The following FBXL17 variants were observed in gnomAD, a reference collection of about 807,000 sequenced individuals.
FBXL17 encodes F-box/LRR-repeat protein 17.
In FBXL17, 22 loss-of-function variants were observed where a neutral mutation model predicts 66.2. The ratio of observed to expected loss-of-function variants is 0.33; its 90% confidence interval spans 0.24 to 0.47. The LOEUF (loss-of-function observed/expected upper bound fraction) is 0.47, where lower values mean the gene tolerates loss of function less well. FBXL17 is among the 20% of genes least tolerant of loss of function. FBXL17 has a pLI of 1.00. For missense variants in FBXL17, 878 were observed against 948.2 expected, an observed-to-expected ratio of 0.93 and a Z score of 0.97; for synonymous variants, 474 against 400.5, an observed-to-expected ratio of 1.18 and a Z score of -2.19.
At chr5:107,928,453 A>C (rs1176848210) in intron 7 of FBXL17, among the ~76,000 whole-genome samples, 5 of 151,418 alleles carry the variant, frequency 3.3e-5, no homozygotes, top group Non-Finnish European at 7.4e-5. Flanking sequence ...GATGACCCCC[A>C]CCCCAAATAC....
chr5:108,188,933 C>T (rs1243408051), intron 5 of FBXL17, among the ~76,000 whole-genome samples: 1 of 152,150 alleles, frequency 6.6e-6, no homozygotes, highest in Non-Finnish European at 1.5e-5. Context: ...TCTGACCTCA[C>T]TAGAATTCAC....
chr5:108,006,697 AAAG>A (rs1484368075), intron 7 of FBXL17, among the ~76,000 whole-genome samples: 2 of 152,212 alleles, frequency 1.3e-5, no homozygotes, highest in Admixed American at 1.3e-4. Flanking sequence ...AGGTATGAAT[AAAG>A]AAGAAAAAGT....
intron 4 of FBXL17, among the ~76,000 whole-genome samples, chr5:108,251,298 G>C (rs1756339862): frequency 6.6e-6 from 1 of 151,896 alleles, no homozygotes; most frequent in East Asian, 1.9e-4. Flanking sequence ...ACCTCAATGA[G>C]GTTTTTGCTT....
chr5:108,096,626 A>C (rs1273155368), intron 6 of FBXL17, among the ~76,000 whole-genome samples: 1 of 152,210 alleles, frequency 6.6e-6, no homozygotes, highest in African/African-American at 2.4e-5. Flanking sequence ...AAGAACAAGA[A>C]TTTGGCATTA....
chr5:108,136,265 G>T (rs902908287), intron 6 of FBXL17, among the ~76,000 whole-genome samples: 1 of 151,996 alleles, frequency 6.6e-6, no homozygotes, highest in Admixed American at 6.6e-5. Context: ...AATGTTCCTT[G>T]AATCACTCAT....
In FBXL17 at chr5:108,380,964, G is replaced by C; in HGVS notation, c.728C>G (p.Pro243Arg). The C allele has an allele frequency of 8.2e-7, 1 of 1,221,190 alleles. No homozygotes were observed. Among genetic ancestry groups the C allele is most frequent in the Non-Finnish European group, 1.0e-6 (1 of 980,482 alleles). 75.6% of individuals were successfully genotyped at this position (1,221,190 alleles called of 1,614,324 possible). The change falls in exon 1 of 9, where the codon CCC becomes CGC. Residue 243 changes from proline to arginine, a missense_variant. Coordinates refer to ENST00000542267, the MANE Select transcript of FBXL17 (RefSeq NM_001163315.3). ...AGGGASPPRP[P>R]DAGCCQAPEQ... ...CGGGGCCTGGCAGCAGCCGGCGTCG[G>C]GGGGCCGGGGCGGCGAAGCGCCTCC...
chr5:108,050,373 C>A (rs10058029), intron 6 of FBXL17, among the ~76,000 whole-genome samples: 2 of 151,924 alleles, frequency 1.3e-5, no homozygotes, highest in Non-Finnish European at 1.5e-5. Flanking sequence ...CCTCTCAGAC[C>A]ACAGTGCAAT....
At chr5:108,239,491 GCCTATGGAGGAAGCATTTATA>G (rs1755757499) in intron 4 of FBXL17, among the ~76,000 whole-genome samples, 2 of 152,170 alleles carry the variant, frequency 1.3e-5, no homozygotes, top group Admixed American at 6.5e-5. Flanking sequence ...CTACGCTGGC[GCCTATGGAGGAAGCATTTATA>G]CCTGCCCTAG....
chr5:108,089,864 G>C (rs140428620), intron 6 of FBXL17, among the ~76,000 whole-genome samples: 1 of 152,116 alleles, frequency 6.6e-6, no homozygotes, highest in South Asian at 2.1e-4. Context: ...GTCTCACTTT[G>C]TCACCCAGGC....
intron 6 of FBXL17, among the ~76,000 whole-genome samples, chr5:108,046,143 C>T (rs1385952376): frequency 6.6e-6 from 1 of 152,154 alleles, no homozygotes. Context: ...CTGTTGTTTG[C>T]TGCATAAACA....
Position 107,914,599 on chromosome 5 carries a change from T to C in FBXL17, c.1823-33420A>G, listed in dbSNP as rs551873271. On this transcript the variant is annotated intron_variant, in intron 7 of 8. Transcript: ENST00000542267. ...AGCACACTTGTGTATTCCATCCACT[T>C]GGCCACAGTGGTGGGTGGGCATTTG... Among the ~76,000 whole-genome samples, 10 of 152,350 alleles carry C rather than the reference T, an allele frequency of 6.6e-5. No homozygotes were observed. In the South Asian group the frequency reaches 2.1e-3, roughly 32 times the overall value.
At chr5:108,309,422 C>T (rs1759008221) in intron 4 of FBXL17, among the ~76,000 whole-genome samples, 1 of 151,740 alleles carries the variant, frequency 6.6e-6, no homozygotes, top group South Asian at 2.1e-4. Context: ...ACAAGCATTA[C>T]CTTTATTTTA....
At chr5:108,096,937 A>G (rs1045246694) in intron 6 of FBXL17, among the ~76,000 whole-genome samples, 7 of 152,228 alleles carry the variant, frequency 4.6e-5, no homozygotes, top group East Asian at 1.9e-4. Flanking sequence ...AGGCACATGC[A>G]TGGGGCATTT....
At chr5:108,238,240 G>T (rs1755692717) in intron 4 of FBXL17, among the ~76,000 whole-genome samples, 1 of 152,136 alleles carries the variant, frequency 6.6e-6, no homozygotes, top group African/African-American at 2.4e-5. Context: ...TTCATTTAAT[G>T]AAAACTTCAT....
At chr5:108,262,337 A>G (rs1362172547) in intron 4 of FBXL17, among the ~76,000 whole-genome samples, 11 of 152,046 alleles carry the variant, frequency 7.2e-5, no homozygotes, top group African/African-American at 2.7e-4. Flanking sequence ...TTGGCCTCCC[A>G]AAGATAAATA....
chr5:107,909,967 G>A lies in FBXL17; in HGVS notation c.1823-28788C>T, dbSNP rs184990354. ...AATGTATATGATACACTTTGGTTGT[G>A]TTCTACAAACCTGGCTTCTTTAGAA... On this transcript the variant is annotated intron_variant, in intron 7 of 8. Transcript: ENST00000542267. Among the ~76,000 whole-genome samples the A allele has an allele frequency of 1.1e-4, 17 of 152,246 alleles. No homozygotes were observed. In the East Asian group the frequency reaches 3.1e-3, roughly 28 times the overall value.
intron 6 of FBXL17, among the ~76,000 whole-genome samples, chr5:108,136,093 T>C (rs1480194355): frequency 1.3e-5 from 2 of 152,092 alleles, no homozygotes; most frequent in Admixed American, 6.6e-5. Context: ...AAACATTTTT[T>C]GTCATCTGAA....
At chr5:108,074,483 G>C (rs1748469086) in intron 6 of FBXL17, among the ~76,000 whole-genome samples, 1 of 151,182 alleles carries the variant, frequency 6.6e-6, no homozygotes, top group Admixed American at 6.6e-5. Context: ...TTACGTGTTT[G>C]GTCCCTCTGT....
At chr5:108,236,807 T>C (rs899754097) in intron 4 of FBXL17, among the ~76,000 whole-genome samples, 11 of 152,128 alleles carry the variant, frequency 7.2e-5, no homozygotes, top group Non-Finnish European at 1.5e-4. Context: ...AGTGGGCCCA[T>C]AGGGTACCCT....
Sources: allele counts gnomAD v4.1 joint callset (sites outside exome capture counted in the v4.1 genomes callset), GRCh38; gene constraint gnomAD v4.1.1; transcripts MANE v1.5; gene names NCBI Gene and HGNC (gene_info 2026-07-23, HGNC 2026-07-21).